The following AMMECR1 variants were observed in gnomAD, a reference collection of about 807,000 sequenced individuals.
AMMECR1 encodes nuclear protein AMMECR1.
In AMMECR1, 3 loss-of-function variants were observed where a neutral mutation model predicts 22.5. The ratio of observed to expected loss-of-function variants is 0.13; its 90% CI spans 0.06 to 0.35. The LOEUF (loss-of-function observed/expected upper bound fraction) is 0.35, where lower values mean the gene tolerates loss of function less well. Among genes scored for constraint, AMMECR1 ranks in the 10% least tolerant of loss-of-function variants. The probability of loss-of-function intolerance (pLI) is 1.00; values close to 1 mark genes in which losing one functional copy is unlikely to be tolerated. For missense variants in AMMECR1, 235 were observed against 278.7 expected (o/e 0.84, Z 1.12); for synonymous variants, 130 against 116.7 (o/e 1.11, Z -0.74).
chrX:110,222,741 A>C (rs1246671075), intron 2 of AMMECR1, among the ~76,000 whole-genome samples: 1 of 110,809 alleles, frequency 9.0e-6, no homozygotes, highest in African/African-American at 3.3e-5. Context: ...GGACACTTAG[A>C]AAGGGCTCAA....
At chrX:110,386,146 TG>T (rs2068453381) in intron 2 of AMMECR1, among the ~76,000 whole-genome samples, 1 of 110,864 alleles carries the variant, frequency 9.0e-6, no homozygotes, top group Non-Finnish European at 1.9e-5. Flanking sequence ...GGTATATATC[TG>T]GGAGTGGAAT....
intron 2 of AMMECR1, among the ~76,000 whole-genome samples, chrX:110,404,314 G>A (rs1322408786): frequency 9.0e-6 from 1 of 111,329 alleles, no homozygotes; most frequent in African/African-American, 3.3e-5. Context: ...CTTTCCTTCC[G>A]AAATTGTGGC....
At chrX:110,395,622 C>T (rs1448371934) in intron 2 of AMMECR1, among the ~76,000 whole-genome samples, 7 of 112,192 alleles carry the variant, frequency 6.2e-5, no homozygotes. Context: ...ACTTTTGAGA[C>T]AACCTTTTTT....
At chrX:110,294,651 T>G (rs2148214638) in intron 1 of AMMECR1, among the ~76,000 whole-genome samples, 1 of 111,919 alleles carries the variant, frequency 8.9e-6, no homozygotes, top group African/African-American at 3.2e-5. Context: ...TCAAACCAAG[T>G]CAAAAGAAAA....
chrX:110,363,885 A>G (rs2148252748), intron 2 of AMMECR1, among the ~76,000 whole-genome samples: 1 of 112,140 alleles, frequency 8.9e-6, no homozygotes, highest in African/African-American at 3.2e-5. Context: ...GAATTCTATT[A>G]TTAGTTCCAT....
At chrX:110,279,151 A>T (rs2067840202) in intron 1 of AMMECR1, among the ~76,000 whole-genome samples, 1 of 112,122 alleles carries the variant, frequency 8.9e-6, no homozygotes, top group South Asian at 3.7e-4. Flanking sequence ...TCTGTTGAAT[A>T]TTATTAGATT....
intron 2 of AMMECR1, among the ~76,000 whole-genome samples, chrX:110,239,143 C>A (rs1328889365): frequency 1.8e-5 from 2 of 111,530 alleles, no homozygotes; most frequent in Non-Finnish European, 3.8e-5. Context: ...CGCCTCTTCT[C>A]CTCCAAAGGA....
At chrX:110,215,919 G>A (rs367640738) in intron 3 of AMMECR1, among the ~76,000 whole-genome samples, 3 of 111,661 alleles carry the variant, frequency 2.7e-5, no homozygotes, top group African/African-American at 9.7e-5. Flanking sequence ...ATGTACTAAA[G>A]AAGAATAAAA....
At chrX:110,210,098 T>A (rs1411308165) in intron 3 of AMMECR1, among the ~76,000 whole-genome samples, 1 of 110,640 alleles carries the variant, frequency 9.0e-6, no homozygotes, top group East Asian at 2.8e-4. Flanking sequence ...AATGGAAATT[T>A]GTATGCATTA....
chrX:110,218,300 AGAGT>A (rs1257743612), intron 2 of AMMECR1, among the ~76,000 whole-genome samples: 1 of 111,770 alleles, frequency 8.9e-6, no homozygotes, highest in Non-Finnish European at 1.9e-5. Flanking sequence ...AAGAAGAAAA[AGAGT>A]AAAAGACACA....
At chrX:110,238,438 C>T (rs1007034238) in intron 2 of AMMECR1, among the ~76,000 whole-genome samples, 6 of 112,234 alleles carry the variant, frequency 5.3e-5, no homozygotes, top group Non-Finnish European at 1.1e-4. Flanking sequence ...CCAGGAAGTT[C>T]GAACTGGGTG....
intron 1 of AMMECR1, among the ~76,000 whole-genome samples, chrX:110,276,427 T>C (rs2067826800): frequency 8.9e-6 from 1 of 112,225 alleles, no homozygotes; most frequent in Admixed American, 9.5e-5. Flanking sequence ...TAGTAATTTT[T>C]TGTATGCCAG....
intron 2 of AMMECR1, among the ~76,000 whole-genome samples, chrX:110,417,800 G>A (rs771222346): frequency 8.9e-6 from 1 of 112,488 alleles, no homozygotes; most frequent in South Asian, 3.7e-4. Context: ...TATTTTACTG[G>A]CAACTTCCAA....
chrX:110,240,372 C>A (rs1602815416), intron 2 of AMMECR1, among the ~76,000 whole-genome samples: 6 of 45,905 alleles, frequency 1.3e-4, no homozygotes, highest in African/African-American at 2.9e-4. Context: ...ATTTACCAAG[C>A]AAATGGAAAG....
chrX:110,286,671 C>CAAAAA (rs775821051), intron 1 of AMMECR1, among the ~76,000 whole-genome samples: 1 of 67,013 alleles, frequency 1.5e-5, no homozygotes, highest in African/African-American at 5.5e-5. Context: ...GACCCTGTCT[C>CAAAAA]AAAAAAAAAA....
At chrX:110,238,553 G>C (rs1284317574) in intron 2 of AMMECR1, among the ~76,000 whole-genome samples, 1 of 112,285 alleles carries the variant, frequency 8.9e-6, no homozygotes, top group Admixed American at 9.4e-5. Flanking sequence ...CCCAGTCAGG[G>C]ACTTTCAGAT....
chrX:110,286,595 C>G (rs927739601), intron 1 of AMMECR1, among the ~76,000 whole-genome samples: 5 of 105,911 alleles, frequency 4.7e-5, no homozygotes, highest in African/African-American at 1.7e-4. Flanking sequence ...TCACCTGAGC[C>G]TGGGAGGTTG....
chrX:110,427,262 C>G (rs1450735800), intron 1 of AMMECR1, among the ~76,000 whole-genome samples: 1 of 111,815 alleles, frequency 8.9e-6, no homozygotes, highest in Non-Finnish European at 1.9e-5. Context: ...ACATGCAAAT[C>G]AAATCATTTC....
chrX:110,345,948 C>T lies in AMMECR1; in HGVS notation c.-147-28099G>A, dbSNP rs2068187184. Among the ~76,000 whole-genome samples, 3 of 111,175 alleles carry T rather than the reference C, an allele frequency of 2.7e-5. No individual in the cohort carries two copies. The Admixed American group carries it at 2.9e-4, about 11-fold the overall frequency. On this transcript the variant is annotated intron_variant, in intron 2 of 7. Transcript: ENST00000372057. ...CTTCATTTATTATATCAATATTGGGCCTAAAACAGTATTCTGTAAAGCTTA... is the reference window on the plus strand; with the variant it reads ...CTTCATTTATTATATCAATATTGGGTCTAAAACAGTATTCTGTAAAGCTTA...
Sources: allele counts gnomAD v4.1 joint callset (sites outside exome capture counted in the v4.1 genomes callset), GRCh38; gene constraint gnomAD v4.1.1; transcripts MANE v1.5; gene names NCBI Gene and HGNC (gene_info 2026-07-23, HGNC 2026-07-21).